Variants in FLRT2 observed in about 807,000 individuals in gnomAD.
FLRT2 encodes the protein leucine-rich repeat transmembrane protein FLRT2.
In FLRT2, 15 loss-of-function variants were observed where a neutral mutation model predicts 40.0. That is an observed-to-expected ratio of 0.38 (90% CI 0.25 to 0.58). FLRT2 has a LOEUF of 0.58. Ranked by LOEUF, FLRT2 falls within the 20% of genes least tolerant of loss-of-function variation. The pLI is 0.71. For synonymous variants in FLRT2, 380 were observed against 336.8 expected (o/e 1.13, Z -1.41); for missense variants, 726 against 840.0 (o/e 0.86, Z 1.68).
intron 1 of FLRT2, among the ~76,000 whole-genome samples, chr14:85,554,224 C>T (rs1476965008): frequency 6.6e-6 from 1 of 152,108 alleles, no homozygotes; most frequent in Non-Finnish European, 1.5e-5. Context: ...CCTCATATAC[C>T]AGAAAGTTCA....
rs1171929887 is a variant in FLRT2 at position 85,531,862 on chromosome 14, GCGCGTGTGTGTGCT to G, written c.-377+1339_-377+1352del. Among the ~76,000 whole-genome samples, 6 of 152,202 alleles carry G rather than the reference GCGCGTGTGTGTGCT, an allele frequency of 3.9e-5. No individual in the cohort carries two copies. The East Asian group carries it at 1.2e-3, about 29-fold the overall frequency. On this transcript the variant is annotated intron_variant, in intron 1 of 1. Coordinates refer to ENST00000330753, the MANE Select transcript of FLRT2 (RefSeq NM_013231.6). ...CCCGCGCGCACGAACCGGGTAGTGTGCGCGTGTGTGTGCTCGCGTGTGTGAGCGCGTGTGCCAGC... is the reference window on the plus strand; with the variant it reads ...CCCGCGCGCACGAACCGGGTAGTGTGCGCGTGTGTGAGCGCGTGTGCCAGC...
intron 1 of FLRT2, among the ~76,000 whole-genome samples, chr14:85,554,144 A>G (rs1487422071): frequency 6.6e-6 from 1 of 152,140 alleles, no homozygotes; most frequent in Non-Finnish European, 1.5e-5. Flanking sequence ...ACTCTGCAGG[A>G]CACTACCCGT....
In FLRT2 at chr14:85,633,821, A is replaced by C. The variant is rs1367949630; in HGVS notation, c.*10324A>C. ...TCTCAAAAAAAAAAAAAAAGTAATA[A>C]ATTTCTGATATTGTTTCAAAAATCT... On this transcript the variant is annotated 3_prime_UTR_variant, in exon 2 of 2. Coordinates refer to ENST00000330753, the MANE Select transcript of FLRT2 (RefSeq NM_013231.6). 6.6e-6 allele frequency: 1 copy of C among 151,976 alleles called. No homozygotes were observed. Among genetic ancestry groups the C allele is most frequent in the Non-Finnish European group, 1.5e-5 (1 of 68,014 alleles). The allele number at this position is 151,976 out of a possible 1,614,324, so 9.4% of individuals were successfully genotyped here. A position where few individuals can be genotyped will look rare whatever the true frequency, so the allele number is the denominator to read the frequency against.
rs1456028875 is a variant in FLRT2, at chr14:85,634,286, G to C, written c.*10789G>C. 1 of 152,230 alleles carries C rather than the reference G, an allele frequency of 6.6e-6. No homozygotes were observed. The highest frequency in any genetic ancestry group is 1.5e-5 in the Non-Finnish European group (1 of 68,044). 9.4% of individuals were successfully genotyped at this position (152,230 alleles called of 1,614,324 possible). Reference sequence around the variant, plus strand: ...GCATGATTTAATTGGTTTCAGGACAGTTATTTGGCAAGTAGTATCAATGGG... The same window carrying C: ...GCATGATTTAATTGGTTTCAGGACACTTATTTGGCAAGTAGTATCAATGGG... On this transcript the variant is annotated 3_prime_UTR_variant, in exon 2 of 2. Coordinates refer to ENST00000330753, the MANE Select transcript of FLRT2 (RefSeq NM_013231.6).
Position 85,626,478 on chromosome 14 carries a change from A to C in FLRT2, c.*2981A>C, listed in dbSNP as rs180677420. On this transcript the variant is annotated 3_prime_UTR_variant, in exon 2 of 2. Transcript: ENST00000330753. ...TCTGATCCCATTCAGAGCTTGGTAAATGTCACTGTACAGAAGACATTGAAA... is the reference window on the plus strand; with the variant it reads ...TCTGATCCCATTCAGAGCTTGGTAACTGTCACTGTACAGAAGACATTGAAA... The C allele has an allele frequency of 6.0e-6, 1 of 167,078 alleles. No individual in the cohort carries two copies. The highest frequency in any genetic ancestry group is 2.4e-5 in the African/African-American group (1 of 41,452). 10.3% of individuals were successfully genotyped at this position (167,078 alleles called of 1,614,324 possible).
chr14:85,533,244 A>T (rs1030876222), intron 1 of FLRT2, among the ~76,000 whole-genome samples: 6 of 144,918 alleles, frequency 4.1e-5, no homozygotes, highest in Non-Finnish European at 6.1e-5. Context: ...GGAGCTGCGG[A>T]GGCGATCCCG....
intron 1 of FLRT2, among the ~76,000 whole-genome samples, chr14:85,617,429 AG>A (rs1230653253): frequency 6.6e-6 from 1 of 152,130 alleles, no homozygotes; most frequent in East Asian, 1.9e-4. Context: ...AGACTTGAAA[AG>A]AGAAATGTGT....
In FLRT2 at chr14:85,633,390, T is replaced by TCC. The variant is rs1260300352; in HGVS notation, c.*9893_*9894insCC. The TCC allele has an allele frequency of 2.6e-5, 4 of 152,128 alleles. No homozygotes were observed. The highest frequency in any genetic ancestry group is 1.5e-5 in the Non-Finnish European group (1 of 68,030). 9.4% of individuals were successfully genotyped at this position (152,128 alleles called of 1,614,324 possible). A position where few individuals can be genotyped will look rare whatever the true frequency, so the allele number is the denominator to read the frequency against. On this transcript the variant is annotated 3_prime_UTR_variant, in exon 2 of 2. Transcript: ENST00000330753. ...TAATGTAGCATATATTCTATCTGGT[T>TCC]GCTAGAGTACACATAGATGTAGTTA...
rs75661299 is a variant in FLRT2 at position 85,642,962 on chromosome 14, C to T, written c.*19465C>T. On this transcript the variant is annotated 3_prime_UTR_variant, in exon 2 of 2. Coordinates refer to ENST00000330753, the MANE Select transcript of FLRT2 (RefSeq NM_013231.6). ...ACTTCCAATTCTTGAGGCTGTGAAG[C>T]CCAAGATCAAGTTGCCTGCAGATCT... The T allele has an allele frequency of 0.031, 4,670 of 152,274 alleles. 101 individuals carry two copies. The highest frequency in any genetic ancestry group is 0.094 in the East Asian group (485 of 5,150). 9.4% of individuals were successfully genotyped at this position (152,274 alleles called of 1,614,324 possible). A position where few individuals can be genotyped will look rare whatever the true frequency, so the allele number is the denominator to read the frequency against.
chr14:85,588,741 G>A (rs540775652), intron 1 of FLRT2, among the ~76,000 whole-genome samples: 54 of 152,002 alleles, frequency 3.6e-4, no homozygotes, highest in African/African-American at 1.1e-3. Context: ...ACCCATTAAC[G>A]ATACTTACTT....
chr14:85,533,543 G>A (rs1007682446), intron 1 of FLRT2, among the ~76,000 whole-genome samples: 1 of 152,132 alleles, frequency 6.6e-6, no homozygotes, highest in African/African-American at 2.4e-5. Flanking sequence ...GCGCCGCGGG[G>A]CAGCTTTCTG....
intron 1 of FLRT2, among the ~76,000 whole-genome samples, chr14:85,613,235 A>AGAACTGAACT (rs1206950372): frequency 6.6e-6 from 1 of 152,214 alleles, no homozygotes; most frequent in East Asian, 1.9e-4. Flanking sequence ...CAGCCATCAT[A>AGAACTGAACT]GAACTGAACT....
In FLRT2 at chr14:85,653,018, G is replaced by A. The variant is rs1125779; in HGVS notation, c.*29521G>A. 49,969 of 151,930 alleles carry A rather than the reference G, an allele frequency of 0.33. 8,864 individuals carry two copies. The highest frequency in any genetic ancestry group is 0.4 in the Non-Finnish European group (27,106 of 67,938). The allele number at this position is 151,930 out of a possible 1,614,324, so 9.4% of individuals were successfully genotyped here. On this transcript the variant is annotated 3_prime_UTR_variant, in exon 2 of 2. Transcript: ENST00000330753. ...ATGAGAACAAATAAGGGAATATTAA[G>A]GTTTTAACTCAAGGCAGCTGATATG...
At position 85,636,642 on chromosome 14, in the gene FLRT2, GGGCCGGGTGTGGT is replaced by G. The variant is rs559807714; in HGVS notation, c.*13149_*13161del. 8 of 151,774 alleles carry G rather than the reference GGGCCGGGTGTGGT, an allele frequency of 5.3e-5. No homozygotes were observed. The highest frequency in any genetic ancestry group is 1.2e-4 in the Non-Finnish European group (8 of 67,940). 9.4% of individuals were successfully genotyped at this position (151,774 alleles called of 1,614,324 possible). On this transcript the variant is annotated 3_prime_UTR_variant, in exon 2 of 2. Transcript: ENST00000330753. ...GTTTATATGAAATTACGAACATTCT[GGGCCGGGTGTGGT>G]GGCTCATGCCTGTAATCCCAGCACT... is the stretch of plus-strand genomic sequence containing the variant.
intron 1 of FLRT2, among the ~76,000 whole-genome samples, chr14:85,571,278 A>G (rs1010311036): frequency 2.6e-5 from 4 of 152,196 alleles, no homozygotes; most frequent in African/African-American, 9.7e-5. Context: ...TGAGAATAGA[A>G]ATTATCACCT....
Position 85,639,907 on chromosome 14 carries a change from G to A in FLRT2, c.*16410G>A, listed in dbSNP as rs1197947188. 5 of 140,130 alleles carry A rather than the reference G, an allele frequency of 3.6e-5. No individual in the cohort carries two copies. The highest frequency in any genetic ancestry group is 7.6e-5 in the Admixed American group (1 of 13,080). 8.7% of individuals were successfully genotyped at this position (140,130 alleles called of 1,614,324 possible). The stretch of plus-strand genomic sequence containing the variant: ...TCTGTCCCCCAGGCCAGAGTGCAGC[G>A]GCGTGATCTCGACTCACTGCAAGCT... On this transcript the variant is annotated 3_prime_UTR_variant, in exon 2 of 2. Coordinates refer to ENST00000330753, the MANE Select transcript of FLRT2 (RefSeq NM_013231.6).
chr14:85,645,217 CAT>C lies in FLRT2; in HGVS notation c.*21721_*21722del, dbSNP rs1265766203. The C allele has an allele frequency of 2.7e-5, 4 of 149,522 alleles. No homozygotes were observed. Among genetic ancestry groups the C allele is most frequent in the Admixed American group, 1.3e-4 (2 of 15,000 alleles). 9.3% of individuals were successfully genotyped at this position (149,522 alleles called of 1,614,324 possible). A position where few individuals can be genotyped will look rare whatever the true frequency, so the allele number is the denominator to read the frequency against. ...ATGTATACATATGTATATATGTACA[CAT>C]GTGTATATATGTATATACATATATG... On this transcript the variant is annotated 3_prime_UTR_variant, in exon 2 of 2. Transcript: ENST00000330753.
rs1042698577 is a variant in FLRT2 at position 85,648,261 on chromosome 14, A to C, written c.*24764A>C. ...GTTCTAGGTACAAAGTGTACACTGT[A>C]CTGGATTTAGTATTTGACATCTATT... On this transcript the variant is annotated 3_prime_UTR_variant, in exon 2 of 2. Transcript: ENST00000330753. 1.3e-5 allele frequency: 2 copies of C among 152,132 alleles called. No homozygotes were observed. The highest frequency in any genetic ancestry group is 4.8e-5 in the African/African-American group (2 of 41,428). The allele number at this position is 152,132 out of a possible 1,614,324, so 9.4% of individuals were successfully genotyped here. A position where few individuals can be genotyped will look rare whatever the true frequency, so the allele number is the denominator to read the frequency against.
chr14:85,588,122 G>A lies in FLRT2; in HGVS notation c.-376-33017G>A, dbSNP rs574245059. Among the ~76,000 whole-genome samples, 19 of 152,114 alleles carry A rather than the reference G, an allele frequency of 1.2e-4. 1 individual carries two copies. The South Asian group carries it at 2.5e-3, about 20-fold the overall frequency. ...GGATTAGACAAAAATATTGCAGAAC[G>A]AAACAAGTGTCACTATTTGAGTCCC... On this transcript the variant is annotated intron_variant, in intron 1 of 1. Coordinates refer to ENST00000330753, the MANE Select transcript of FLRT2 (RefSeq NM_013231.6).
Sources: allele counts gnomAD v4.1 joint callset (sites outside exome capture counted in the v4.1 genomes callset), GRCh38; gene constraint gnomAD v4.1.1; transcripts MANE v1.5; gene names NCBI Gene and HGNC (gene_info 2026-07-23, HGNC 2026-07-21).